The following CLPB variants were observed in gnomAD, a reference collection of about 807,000 sequenced individuals.
CLPB encodes the protein ClpB family mitochondrial disaggregase.
A neutral mutation model predicts 78.4 loss-of-function variants in CLPB; 40 were observed. The observed-to-expected ratio is 0.51, with a 90% confidence interval of 0.40 to 0.66. CLPB has a LOEUF of 0.66. Ranked by LOEUF, CLPB falls within the 30% of genes least tolerant of loss-of-function variation. The probability of loss-of-function intolerance (pLI) is 0.00; values close to 1 mark genes in which losing one functional copy is unlikely to be tolerated. For missense variants in CLPB, 780 were observed against 886.9 expected, an observed-to-expected ratio of 0.88 and a Z score of 1.53; for synonymous variants, 333 against 348.0, an observed-to-expected ratio of 0.96 and a Z score of 0.48.
chr11:72,286,223 G>GTTTTGTTTTTTTTTT lies in CLPB; in HGVS notation c.*7143_*7144insAAAAAAAAAACAAAA, dbSNP rs1949386520. On this transcript the variant is annotated 3_prime_UTR_variant, in exon 16 of 16. Transcript: ENST00000538039. ...ATTACAGGTGTGAGATACTGCACCT[G>GTTTTGTTTTTTTTTT]TTTTTTTTTTTTTTTTTTTTTTTAA... The GTTTTGTTTTTTTTTT allele has an allele frequency of 1.7e-5, 1 of 60,450 alleles. No homozygotes were observed. The highest frequency in any genetic ancestry group is 3.1e-5 in the Non-Finnish European group (1 of 32,212). 3.7% of individuals were successfully genotyped at this position (60,450 alleles called of 1,614,324 possible).
chr11:72,372,839 T>C, intron 4 of CLPB: 2 of 1,238,646 alleles, frequency 1.6e-6, no homozygotes, highest in Non-Finnish European at 2.4e-6. Flanking sequence ...AGTTAACTTA[T>C]ACTGAGTAAA....
chr11:72,294,570 C>G (rs771333751), intron 13 of CLPB, 50 bp downstream of exon 13: 1 of 1,606,196 alleles, frequency 6.2e-7, no homozygotes. Context: ...CTAAGATCAC[C>G]CTCCCCCAAC....
chr11:72,286,030 CCA>C lies in CLPB; in HGVS notation c.*7335_*7336del, dbSNP rs1325618227. Reference sequence around the variant, plus strand: ...CACAGCAACCTCCACCTCCTGAGCTCCAGTTATATTCCCACCTCAGCCTCCCA... The same window carrying C: ...CACAGCAACCTCCACCTCCTGAGCTCGTTATATTCCCACCTCAGCCTCCCA... On this transcript the variant is annotated 3_prime_UTR_variant, in exon 16 of 16. Coordinates refer to ENST00000538039, the MANE Select transcript of CLPB (RefSeq NM_001258392.3). 1.3e-5 allele frequency: 2 copies of C among 150,400 alleles called. No homozygotes were observed. Among genetic ancestry groups the C allele is most frequent in the Non-Finnish European group, 3.0e-5 (2 of 67,718 alleles). The allele number at this position is 150,400 out of a possible 1,614,324, so 9.3% of individuals were successfully genotyped here. A position where few individuals can be genotyped will look rare whatever the true frequency, so the allele number is the denominator to read the frequency against.
chr11:72,404,715 G>A (rs541141703), intron 2 of CLPB, among the ~76,000 whole-genome samples: 44 of 152,230 alleles, frequency 2.9e-4, no homozygotes, highest in South Asian at 4.1e-4. Context: ...CCAGGTAGAC[G>A]CAGTCCTCTT....
At chr11:72,343,564 C>A (rs1196603938) in intron 5 of CLPB, among the ~76,000 whole-genome samples, 1 of 152,110 alleles carries the variant, frequency 6.6e-6, no homozygotes, top group Non-Finnish European at 1.5e-5. Flanking sequence ...ACCACAGTCA[C>A]CAGGCAACCA....
intron 6 of CLPB, among the ~76,000 whole-genome samples, chr11:72,325,381 T>C (rs1950114898): frequency 6.6e-6 from 1 of 152,154 alleles, no homozygotes; most frequent in African/African-American, 2.4e-5. Context: ...CAAATCAGTC[T>C]GCAGGTATCA....
At chr11:72,374,687 GA>G (rs927828848) in intron 4 of CLPB, among the ~76,000 whole-genome samples, 3 of 152,242 alleles carry the variant, frequency 2.0e-5, no homozygotes, top group African/African-American at 7.2e-5. Flanking sequence ...GGATGGCAAA[GA>G]AGTTTCTTTC....
chr11:72,388,065 C>T (rs1197007007), intron 3 of CLPB, among the ~76,000 whole-genome samples: 1 of 152,058 alleles, frequency 6.6e-6, no homozygotes, highest in Non-Finnish European at 1.5e-5. Context: ...ACGTATGTTG[C>T]CCTTGGTCCC....
intron 2 of CLPB, among the ~76,000 whole-genome samples, chr11:72,405,803 G>A (rs1202220576): frequency 1.3e-5 from 2 of 152,014 alleles, no homozygotes; most frequent in Admixed American, 6.6e-5. Flanking sequence ...TGGCAGGCAC[G>A]TGTAGTCCCA....
chr11:72,315,241 G>A (rs1470956070), intron 7 of CLPB, among the ~76,000 whole-genome samples: 3 of 152,192 alleles, frequency 2.0e-5, no homozygotes, highest in Admixed American at 2.0e-4. Context: ...GAGCAGGCTG[G>A]GGAGGGGGAG....
In CLPB at chr11:72,295,528, A is replaced by G. The variant is rs764050395; in HGVS notation, c.1450T>C (p.Leu484=). ...QHALQLRQEA[L]EMSRNRIAEN... is the part of the protein sequence containing the mutation. ...GCAATACGGTTACGGCTCATCTCCA[A>G]AGCTTCCTGCCTCAGCTGCAGCGCG... Residue 484 remains leucine (L), a synonymous_variant, in exon 12 of 16, where the codon TTG becomes CTG. Transcript: ENST00000538039. 2 of 1,614,086 alleles carry G rather than the reference A, an allele frequency of 1.2e-6. No individual in the cohort carries two copies. Among genetic ancestry groups the G allele is most frequent in the Non-Finnish European group, 1.7e-6 (2 of 1,180,004 alleles).
intron 3 of CLPB, among the ~76,000 whole-genome samples, chr11:72,389,516 T>G (rs1343269493): frequency 6.6e-6 from 1 of 152,160 alleles, no homozygotes; most frequent in Non-Finnish European, 1.5e-5. Context: ...TCTTAACAGT[T>G]GGATTAAAGG....
rs1949386520 is a variant in CLPB, at chr11:72,286,223, G to GTTTTCTTTTTTTTTTTTTTTT, written c.*7143_*7144insAAAAAAAAAAAAAAAAGAAAA. 1.7e-5 allele frequency: 1 copy of GTTTTCTTTTTTTTTTTTTTTT among 60,450 alleles called. No individual in the cohort carries two copies. 3.7% of individuals were successfully genotyped at this position (60,450 alleles called of 1,614,324 possible). On this transcript the variant is annotated 3_prime_UTR_variant, in exon 16 of 16. Transcript: ENST00000538039. ...ATTACAGGTGTGAGATACTGCACCT[G>GTTTTCTTTTTTTTTTTTTTTT]TTTTTTTTTTTTTTTTTTTTTTTAA...
intron 5 of CLPB, among the ~76,000 whole-genome samples, chr11:72,348,345 CTACA>C (rs567392162): frequency 1.1e-3 from 166 of 152,322 alleles, no homozygotes; most frequent in South Asian, 3.7e-3. Context: ...TCTCTATGGA[CTACA>C]AAAATAAGTA....
At chr11:72,433,986 C>A in intron 1 of CLPB, 86 bp downstream of exon 1, 1 of 1,498,896 alleles carries the variant, frequency 6.7e-7, no homozygotes, top group Non-Finnish European at 9.0e-7. Context: ...GGATCTAAAC[C>A]TATAAGTACC....
intron 7 of CLPB, 93 bp downstream of exon 7, chr11:72,317,013 A>T: frequency 1.3e-6 from 1 of 755,558 alleles, no homozygotes; most frequent in Non-Finnish European, 2.1e-6. Context: ...GCTAATTTTT[A>T]ATATTATTAA....
chr11:72,408,102 G>A, intron 2 of CLPB: 1 of 1,532,500 alleles, frequency 6.5e-7, no homozygotes, highest in East Asian at 2.4e-5. Context: ...ACAAACCTGA[G>A]GGGCCATTCA....
intron 4 of CLPB, among the ~76,000 whole-genome samples, chr11:72,379,839 C>T (rs187558261): frequency 6.6e-6 from 1 of 152,242 alleles, no homozygotes; most frequent in Admixed American, 6.5e-5. Context: ...GCTGAGGAAT[C>T]CAGTGAGGCT....
intron 5 of CLPB, among the ~76,000 whole-genome samples, chr11:72,348,273 A>G (rs928391297): frequency 6.6e-6 from 1 of 152,200 alleles, no homozygotes; most frequent in Non-Finnish European, 1.5e-5. Context: ...TGCAACTTTT[A>G]AAGTAAAAAT....
Sources: allele counts gnomAD v4.1 joint callset (sites outside exome capture counted in the v4.1 genomes callset), GRCh38; gene constraint gnomAD v4.1.1; transcripts MANE v1.5; gene names NCBI Gene and HGNC (gene_info 2026-07-23, HGNC 2026-07-21).